The following LNX1 variants were observed in gnomAD, a reference collection of about 807,000 sequenced individuals.
LNX1 encodes E3 ubiquitin-protein ligase LNX.
Under a neutral mutation model 68.4 loss-of-function variants are expected in LNX1, and 54 were observed. That is an observed-to-expected ratio of 0.79 (90% CI 0.63 to 0.99). The LOEUF (loss-of-function observed/expected upper bound fraction) is 0.99, where lower values mean the gene tolerates loss of function less well. LNX1 is among the 50% of genes least tolerant of loss of function. LNX1 has a pLI of 0.00. For missense variants in LNX1, 906 were observed against 926.4 expected, an observed-to-expected ratio of 0.98 and a Z score of 0.29; for synonymous variants, 336 against 350.0, an observed-to-expected ratio of 0.96 and a Z score of 0.45.
intron 1 of LNX1, among the ~76,000 whole-genome samples, chr4:53,631,447 G>T (rs530682306): frequency 2.0e-5 from 3 of 152,138 alleles, no homozygotes; most frequent in Non-Finnish European, 4.4e-5. Flanking sequence ...ATGTGACCAA[G>T]TTGGCTGTTC....
chr4:53,469,249 A>G (rs1722954525), intron 9 of LNX1, among the ~76,000 whole-genome samples: 1 of 152,234 alleles, frequency 6.6e-6, no homozygotes, highest in Admixed American at 6.5e-5. Flanking sequence ...TACTAGGTAC[A>G]TAACGAAATG....
chr4:53,499,359 A>G (rs1725314296), intron 4 of LNX1, among the ~76,000 whole-genome samples: 1 of 151,978 alleles, frequency 6.6e-6, no homozygotes. Flanking sequence ...GAGTTTTGTC[A>G]TGTTGTCCAG....
At chr4:53,510,492 T>C (rs1190397428) in intron 2 of LNX1, among the ~76,000 whole-genome samples, 1 of 152,212 alleles carries the variant, frequency 6.6e-6, no homozygotes, top group Non-Finnish European at 1.5e-5. Flanking sequence ...GCTGGAAGAG[T>C]TCAAATTCCT....
chr4:53,632,093 G>C (rs1734300270), intron 1 of LNX1, among the ~76,000 whole-genome samples: 1 of 152,048 alleles, frequency 6.6e-6, no homozygotes, highest in East Asian at 1.9e-4. Context: ...TCATTGAAGG[G>C]AGCAGAATGG....
intron 2 of LNX1, among the ~76,000 whole-genome samples, chr4:53,547,727 G>A (rs1002251919): frequency 6.6e-6 from 1 of 152,154 alleles, no homozygotes; most frequent in Admixed American, 6.6e-5. Flanking sequence ...TGGGAGAAGT[G>A]GGCTTAGAAG....
rs1420958527 is a variant in LNX1, at chr4:53,635,642, A to T, written c.-215+16526T>A. Among the ~76,000 whole-genome samples the T allele has an allele frequency of 2.0e-5, 3 of 152,220 alleles. No homozygotes were observed. In the East Asian group the frequency reaches 5.8e-4, roughly 29 times the overall value. ...GTAAGGGTATGATTTGATCAATTAA[A>T]TCAGTTTAATGATTCTATGCAACTC... is the stretch of plus-strand genomic sequence containing the variant. On this transcript the variant is annotated intron_variant, in intron 1 of 2. Transcript: ENST00000507168.
At chr4:53,474,820 G>C (rs1422621529) in intron 9 of LNX1, among the ~76,000 whole-genome samples, 1 of 152,000 alleles carries the variant, frequency 6.6e-6, no homozygotes, top group Non-Finnish European at 1.5e-5. Context: ...AGGCTGGAGT[G>C]CAGTGGCGCG....
At position 53,507,979 on chromosome 4, in the gene LNX1, G is replaced by T; in HGVS notation, c.622+7C>A. On this transcript the variant is annotated splice_region_variant and intron_variant, in intron 3 of 10. Transcript: ENST00000263925. ...CCCATTCCCGGACAACCACCCATTT[G>T]ACTCACCCCTAGTTCGGTTGCTCCG... 6.2e-7 allele frequency: 1 copy of T among 1,607,798 alleles called. No individual in the cohort carries two copies. Among genetic ancestry groups the T allele is most frequent in the South Asian group, 1.1e-5 (1 of 90,878 alleles).
intron 1 of LNX1, chr4:53,579,165 C>A: frequency 1.6e-6 from 1 of 610,144 alleles, no homozygotes; most frequent in Non-Finnish European, 2.1e-6. Context: ...CTGGCCCTAA[C>A]TGAAGTAAGT....
In LNX1 at chr4:53,507,450, G is replaced by A. The variant is rs890557801; in HGVS notation, c.642C>T (p.Ser214=). 1 of 1,614,010 alleles carries A rather than the reference G, an allele frequency of 6.2e-7. No homozygotes were observed. Among genetic ancestry groups the A allele is most frequent in the East Asian group, 2.2e-5 (1 of 44,880 alleles). ...NRTRARPFER[S]TIRSRSFKKI... ...TTTTAAATGATCTGCTTCTAATAGTGGATCTCTCAAAGGGCCGTGCTGAGG... is the reference window on the plus strand; with the variant it reads ...TTTTAAATGATCTGCTTCTAATAGTAGATCTCTCAAAGGGCCGTGCTGAGG... Residue 214 remains serine (S), a synonymous_variant, in exon 4 of 11, where the codon TCC becomes TCT. Transcript: ENST00000263925.
chr4:53,460,576 A>G lies in LNX1; in HGVS notation c.*331T>C, dbSNP rs1436775618. The stretch of plus-strand genomic sequence containing the variant: ...TAATGTACCCTTGGCAGACTTCAGC[A>G]TATACCAAATTTTAAATTTAAATCA... On this transcript the variant is annotated 3_prime_UTR_variant, in exon 11 of 11. Transcript: ENST00000263925. 2 of 251,780 alleles carry G rather than the reference A, an allele frequency of 7.9e-6. No homozygotes were observed. Among genetic ancestry groups the G allele is most frequent in the Non-Finnish European group, 1.5e-5 (2 of 132,400 alleles). 15.6% of individuals were successfully genotyped at this position (251,780 alleles called of 1,614,324 possible). A position where few individuals can be genotyped will look rare whatever the true frequency, so the allele number is the denominator to read the frequency against.
At chr4:53,505,037 C>G (rs1725776762) in intron 4 of LNX1, among the ~76,000 whole-genome samples, 1 of 151,994 alleles carries the variant, frequency 6.6e-6, no homozygotes, top group African/African-American at 2.4e-5. Context: ...ATGGAGCAAA[C>G]AGACTTGTTG....
intron 1 of LNX1, among the ~76,000 whole-genome samples, chr4:53,641,514 G>A (rs1244710757): frequency 3.3e-5 from 5 of 152,192 alleles, no homozygotes; most frequent in East Asian, 3.9e-4. Flanking sequence ...TGGACCTAAC[G>A]ACCATGCCTC....
intron 1 of LNX1, among the ~76,000 whole-genome samples, chr4:53,626,561 G>C (rs1734081293): frequency 6.6e-6 from 1 of 152,178 alleles, no homozygotes. Context: ...AAGATCACCT[G>C]GCTTCAGTGT....
chr4:53,568,355 T>C (rs1160271642), intron 2 of LNX1, among the ~76,000 whole-genome samples: 1 of 151,726 alleles, frequency 6.6e-6, no homozygotes, highest in East Asian at 1.9e-4. Context: ...CGCAAATCAA[T>C]AAATGTAATC....
chr4:53,652,279 T>A (rs1236276912), exon 1 of LNX1: 1 of 152,262 alleles, frequency 6.6e-6, no homozygotes, highest in Non-Finnish European at 1.5e-5. Context: ...TCTTTCTCTT[T>A]CCAGTGTTCT....
chr4:53,546,154 A>G (rs1341415924), intron 2 of LNX1, among the ~76,000 whole-genome samples: 3 of 152,224 alleles, frequency 2.0e-5, no homozygotes, highest in African/African-American at 7.2e-5. Context: ...TTAATGTTTC[A>G]TGACTGAACT....
intron 6 of LNX1, among the ~76,000 whole-genome samples, chr4:53,492,928 C>T (rs1329425863): frequency 6.6e-6 from 1 of 151,984 alleles, no homozygotes; most frequent in Non-Finnish European, 1.5e-5. Flanking sequence ...GAGGTGGGCA[C>T]ATGAATTTGG....
chr4:53,550,948 C>A (rs953760041), intron 2 of LNX1, among the ~76,000 whole-genome samples: 27 of 152,092 alleles, frequency 1.8e-4, no homozygotes, highest in African/African-American at 6.3e-4. Context: ...CCTGGAACGC[C>A]CAGCTGGGTT....
Sources: allele counts gnomAD v4.1 joint callset (sites outside exome capture counted in the v4.1 genomes callset), GRCh38; gene constraint gnomAD v4.1.1; transcripts MANE v1.5; gene names NCBI Gene and HGNC (gene_info 2026-07-23, HGNC 2026-07-21).